The following PLD1 variants were observed in gnomAD, a reference collection of about 807,000 sequenced individuals.
PLD1 encodes the protein choline phosphatase 1.
PLD1 carries 112 observed loss-of-function variants against 137.1 expected under a neutral mutation model. The ratio of observed to expected loss-of-function variants is 0.82; its 90% CI spans 0.70 to 0.96. The LOEUF is 0.96. Ranked by LOEUF, PLD1 falls within the 40% of genes least tolerant of loss-of-function variation. PLD1 has a pLI of 0.00. For synonymous variants in PLD1, 431 were observed against 454.7 expected (o/e 0.95, Z 0.66); for missense variants, 1,321 against 1,342.0 (o/e 0.98, Z 0.24).
intron 1 of PLD1, among the ~76,000 whole-genome samples, chr3:171,788,104 G>A (rs561409750): frequency 6.6e-5 from 10 of 151,734 alleles, no homozygotes; most frequent in African/African-American, 1.9e-4. Context: ...CTGCTCCAGA[G>A]AATCACTTGA....
intron 21 of PLD1, among the ~76,000 whole-genome samples, chr3:171,649,537 C>G (rs1736550522): frequency 6.6e-6 from 1 of 152,182 alleles, no homozygotes; most frequent in African/African-American, 2.4e-5. Flanking sequence ...TTCGGAAATA[C>G]TGAATCCTCA....
chr3:171,678,903 T>C (rs1713666593), intron 16 of PLD1, among the ~76,000 whole-genome samples: 1 of 151,482 alleles, frequency 6.6e-6, no homozygotes, highest in African/African-American at 2.4e-5. Context: ...AGTTGGCACA[T>C]TATTACTTCT....
chr3:171,741,224 T>C (rs1285108176), intron 1 of PLD1, among the ~76,000 whole-genome samples: 2 of 152,236 alleles, frequency 1.3e-5, no homozygotes, highest in Non-Finnish European at 2.9e-5. Flanking sequence ...CCAATGCATT[T>C]GCAGACTTGT....
At chr3:171,667,576 A>G (rs1398384747) in intron 19 of PLD1, among the ~76,000 whole-genome samples, 1 of 152,240 alleles carries the variant, frequency 6.6e-6, no homozygotes, top group African/African-American at 2.4e-5. Context: ...AAGGAGAGTT[A>G]GGGATGGATT....
chr3:171,792,759 C>G (rs1404935044), intron 1 of PLD1: 1 of 452,166 alleles, frequency 2.2e-6, no homozygotes, highest in South Asian at 1.6e-5. Context: ...CTTTCTAGAG[C>G]CCCACCCTCC....
chr3:171,688,591 A>G, intron 14 of PLD1, 85 bp downstream of exon 14: 3 of 1,036,500 alleles, frequency 2.9e-6, no homozygotes, highest in Non-Finnish European at 4.5e-6. Context: ...CTCTTATTCA[A>G]TGAATCAATC....
chr3:171,769,131 A>C (rs920671960), intron 1 of PLD1, among the ~76,000 whole-genome samples: 1 of 152,060 alleles, frequency 6.6e-6, no homozygotes, highest in Admixed American at 6.5e-5. Context: ...CTCTGGGAAA[A>C]CCCTAAAATC....
At chr3:171,783,006 A>C (rs2108343416) in intron 1 of PLD1, among the ~76,000 whole-genome samples, 1 of 152,206 alleles carries the variant, frequency 6.6e-6, no homozygotes, top group South Asian at 2.1e-4. Context: ...GGGATGGGGG[A>C]CAGATGATGG....
At chr3:171,761,401 C>G (rs570456748) in intron 1 of PLD1, among the ~76,000 whole-genome samples, 5 of 152,162 alleles carry the variant, frequency 3.3e-5, no homozygotes, top group Non-Finnish European at 5.9e-5. Context: ...AGGAGAGCCT[C>G]CTTGGTCTCA....
chr3:171,680,455 C>T (rs1431253355), intron 16 of PLD1, among the ~76,000 whole-genome samples: 8 of 151,748 alleles, frequency 5.3e-5, no homozygotes, highest in African/African-American at 1.9e-4. Context: ...AGGCTCATCT[C>T]GAACTCCTGA....
Position 171,724,743 on chromosome 3 carries a change from G to T in PLD1, c.711C>A (p.Gly237=). The T allele has an allele frequency of 6.2e-7, 1 of 1,611,244 alleles. No individual in the cohort carries two copies. The highest frequency in any genetic ancestry group is 8.5e-7 in the Non-Finnish European group (1 of 1,178,124). Residue 237 remains glycine (G), a synonymous_variant, in exon 8 of 27, where the codon GGC becomes GGA. Coordinates refer to ENST00000351298, the MANE Select transcript of PLD1 (RefSeq NM_002662.5). ...CTCTTCCCTGACCACAGCAATTCAA[G>T]CCTGGTATTCTGTGTCCTCCAGATC... ...MKRSGGHRIP[G]LNCCGQGRAC...
rs532748939 is a variant in PLD1 at position 171,775,172 on chromosome 3, ATCAAAGATATTTTCTTTGACG to A, written c.-32+35206_-32+35226del. On this transcript the variant is annotated intron_variant, in intron 1 of 26. Transcript: ENST00000351298. ...TTATCATTTCCTTCTGTAACTTGTC[ATCAAAGATATTTTCTTTGACG>A]TCAAAGATATTTTCTTAGACATCAA... Among the ~76,000 whole-genome samples the A allele has an allele frequency of 6.0e-3, 915 of 152,292 alleles. 8 individuals carry two copies. The highest frequency in any genetic ancestry group is 0.021 in the African/African-American group (878 of 41,546).
At chr3:171,611,623 G>A (rs970252454) in intron 25 of PLD1, 1 of 518,776 alleles carries the variant, frequency 1.9e-6, no homozygotes, top group African/African-American at 1.9e-5. Context: ...GACACCTGGA[G>A]TCATTTTAGA....
chr3:171,744,849 C>G (rs573791439), intron 1 of PLD1, among the ~76,000 whole-genome samples: 2 of 152,318 alleles, frequency 1.3e-5, no homozygotes, highest in East Asian at 3.9e-4. Flanking sequence ...AAAACCAAGG[C>G]AGCTTTATGC....
intron 23 of PLD1, among the ~76,000 whole-genome samples, chr3:171,633,107 T>C (rs972604171): frequency 6.6e-6 from 1 of 152,182 alleles, no homozygotes; most frequent in Non-Finnish European, 1.5e-5. Flanking sequence ...TGTCAAATGC[T>C]ATGGGGACAC....
chr3:171,760,202 T>C (rs1357596146), intron 1 of PLD1, among the ~76,000 whole-genome samples: 1 of 152,232 alleles, frequency 6.6e-6, no homozygotes, highest in Non-Finnish European at 1.5e-5. Context: ...AGTATACAGG[T>C]AGAAATTCTT....
At chr3:171,662,032 C>T in intron 20 of PLD1, 28 bp downstream of exon 20, 1 of 1,307,328 alleles carries the variant, frequency 7.6e-7, no homozygotes, top group Non-Finnish European at 1.1e-6. Context: ...GGCAGTTTCT[C>T]ACACGAATTT....
chr3:171,719,764 T>G (rs1381898534), intron 8 of PLD1, among the ~76,000 whole-genome samples: 1 of 152,254 alleles, frequency 6.6e-6, no homozygotes, highest in Non-Finnish European at 1.5e-5. Flanking sequence ...ATAAATGTGC[T>G]GTTTAAGCAG....
intron 1 of PLD1, among the ~76,000 whole-genome samples, chr3:171,799,274 G>A (rs1166466889): frequency 6.9e-6 from 1 of 145,434 alleles, no homozygotes; most frequent in Non-Finnish European, 1.5e-5. Flanking sequence ...AGGCGGTGGA[G>A]GTTGCAGTGA....
Sources: allele counts gnomAD v4.1 joint callset (sites outside exome capture counted in the v4.1 genomes callset), GRCh38; gene constraint gnomAD v4.1.1; transcripts MANE v1.5; gene names NCBI Gene and HGNC (gene_info 2026-07-23, HGNC 2026-07-21).